Variants in CECR2 observed in about 807,000 individuals in gnomAD.
The protein encoded by CECR2 is CECR2 histone acetyl-lysine reader, also known as chromatin remodeling regulator CECR2.
In CECR2, 30 loss-of-function variants were observed where a neutral mutation model predicts 154.5. The ratio of observed to expected loss-of-function variants is 0.19; its 90% CI spans 0.15 to 0.26. The LOEUF (loss-of-function observed/expected upper bound fraction) is 0.26. CECR2 is among the 10% of genes least tolerant of loss of function. The pLI, the probability that CECR2 is intolerant of heterozygous loss-of-function variation, is 1.00. For missense variants in CECR2, 1,743 were observed against 1,829.3 expected, an observed-to-expected ratio of 0.95 and a Z score of 0.86; for synonymous variants, 725 against 683.7, an observed-to-expected ratio of 1.06 and a Z score of -0.94.
At chr22:17,375,793 A>G (rs1460949126) in intron 1 of CECR2, among the ~76,000 whole-genome samples, 2 of 151,988 alleles carry the variant, frequency 1.3e-5, no homozygotes, top group Admixed American at 6.6e-5. Context: ...CGTCTCTACT[A>G]AAAGTACAAA....
rs112334348 is a variant in CECR2 at position 17,494,189 on chromosome 22, G to A, written c.222-3214G>A. ...TGGCTCACCACAACCTCTGCCTCCC[G>A]GGTTCAAGCGATTCTCCTGCTTCAG... On this transcript the variant is annotated intron_variant, in intron 2 of 18. Transcript: ENST00000262608. Among the ~76,000 whole-genome samples, 1,026 of 152,242 alleles carry A rather than the reference G, an allele frequency of 6.7e-3. 10 individuals carry two copies. Among genetic ancestry groups the A allele is most frequent in the African/African-American group, 0.023 (976 of 41,550 alleles).
In CECR2 at chr22:17,548,352, A is replaced by G. The variant is rs201295786; in HGVS notation, c.3065A>G (p.Lys1022Arg). 1.9e-4 allele frequency: 312 copies of G among 1,612,568 alleles called. No individual in the cohort carries two copies. Among genetic ancestry groups the G allele is most frequent in the Middle Eastern group, 3.3e-4 (2 of 6,078 alleles). ...SADNCKAMKG[K>R]NPWPSDSSYP... ...GACAACTGTAAAGCAATGAAGGGCA[A>G]GAATCCCTGGCCCTCGGATAGCAGC... The change falls in exon 17 of 19, where the codon AAG (lysine) becomes AGG (arginine). Residue 1022 changes from lysine to arginine, a missense_variant. Lys to Arg is a conservative substitution (Grantham distance 26). Transcript: ENST00000262608.
intron 1 of CECR2, among the ~76,000 whole-genome samples, chr22:17,395,826 G>A (rs1046566968): frequency 2.6e-5 from 4 of 151,952 alleles, no homozygotes; most frequent in African/African-American, 9.7e-5. Context: ...TTGTAAAAGG[G>A]TAATAAGTTG....
intron 16 of CECR2, 56 bp from the exon 17 acceptor site, chr22:17,548,092 T>A (rs1354177947): frequency 1.4e-6 from 2 of 1,416,706 alleles, no homozygotes; most frequent in African/African-American, 1.5e-5. Context: ...TTCACATTAA[T>A]ACTGTCATTT....
At chr22:17,435,858 G>C (rs1232852499) in intron 1 of CECR2, among the ~76,000 whole-genome samples, 1 of 152,128 alleles carries the variant, frequency 6.6e-6, no homozygotes, top group Non-Finnish European at 1.5e-5. Context: ...TGGGGTCATA[G>C]CTATGAATTA....
intron 9 of CECR2, among the ~76,000 whole-genome samples, chr22:17,533,177 ATGT>A (rs2056385360): frequency 6.6e-6 from 1 of 151,588 alleles, no homozygotes; most frequent in South Asian, 2.1e-4. Context: ...TTAGCTGGAC[ATGT>A]TGGTGCACTT....
chr22:17,545,374 C>CAAAAA lies in CECR2; in HGVS notation c.2860+2390_2860+2394dup, dbSNP rs695493. 6.7e-3 allele frequency among the ~76,000 whole-genome samples: 305 copies of CAAAAA among 45,330 alleles called. 14 individuals carry two copies. The highest frequency in any genetic ancestry group is 0.019 in the East Asian group (29 of 1,520). 29.7% of individuals were successfully genotyped at this position (45,330 alleles called of 152,430 possible). A position where few individuals can be genotyped will look rare whatever the true frequency, so the allele number is the denominator to read the frequency against. On this transcript the variant is annotated intron_variant, in intron 16 of 18. Transcript: ENST00000262608. Reference sequence around the variant, plus strand: ...TGGGCGAAACAGCGAGACTCCGTCTCAAAAAAAAAAAAAAAAAAAAAAAGA... The same window carrying CAAAAA: ...TGGGCGAAACAGCGAGACTCCGTCTCAAAAAAAAAAAAAAAAAAAAAAAAAAAAGA...
intron 1 of CECR2, among the ~76,000 whole-genome samples, chr22:17,442,545 T>G (rs2054600727): frequency 6.6e-6 from 1 of 151,978 alleles, no homozygotes; most frequent in Admixed American, 6.6e-5. Context: ...CCACAGGTTT[T>G]TTTGTTTGTT....
chr22:17,393,893 T>G (rs1403869744), intron 1 of CECR2, among the ~76,000 whole-genome samples: 1 of 151,262 alleles, frequency 6.6e-6, no homozygotes, highest in African/African-American at 2.4e-5. Context: ...TATTCATTTT[T>G]TTTTTTTTTT....
chr22:17,503,038 A>C, intron 5 of CECR2, 44 bp from the exon 6 acceptor site: 1 of 1,586,188 alleles, frequency 6.3e-7, no homozygotes, highest in Non-Finnish European at 8.6e-7. Context: ...ACAATTTTGG[A>C]CCTGTCTTTG....
chr22:17,368,254 CTACT>C (rs1164356681), upstream of CECR2, among the ~76,000 whole-genome samples: 3 of 152,188 alleles, frequency 2.0e-5, no homozygotes, highest in African/African-American at 7.2e-5. Context: ...AGATTGTACA[CTACT>C]TAAAGGTAGA....
At chr22:17,490,143 T>TGTG (rs1555917174) in intron 2 of CECR2, among the ~76,000 whole-genome samples, 1 of 119,336 alleles carries the variant, frequency 8.4e-6, no homozygotes, top group African/African-American at 3.7e-5. Flanking sequence ...TTACTGTTTT[T>TGTG]TTTTTGTGTG....
At chr22:17,431,792 G>A (rs182008903) in intron 1 of CECR2, among the ~76,000 whole-genome samples, 53 of 118,386 alleles carry the variant, frequency 4.5e-4, no homozygotes, top group Middle Eastern at 4.3e-3. Flanking sequence ...GGAGGGGCGC[G>A]GCTTATTGAG....
intron 1 of CECR2, among the ~76,000 whole-genome samples, chr22:17,385,877 C>T (rs974503165): frequency 6.6e-6 from 1 of 152,220 alleles, no homozygotes. Flanking sequence ...ACATTTCTCA[C>T]TGGTGCTATT....
chr22:17,366,611 A>G (rs960288846), upstream of CECR2, among the ~76,000 whole-genome samples: 1 of 152,116 alleles, frequency 6.6e-6, no homozygotes, highest in African/African-American at 2.4e-5. Context: ...TGGCCAGCCT[A>G]TTGGTAGGGG....
chr22:17,500,221 A>G (rs28612368), intron 4 of CECR2, among the ~76,000 whole-genome samples: 6,871 of 151,658 alleles, frequency 0.045, 543 homozygotes, highest in African/African-American at 0.16. Flanking sequence ...AAAAAAAAAA[A>G]AAAAAAGAAT....
At chr22:17,534,588 A>G (rs1417164755) in intron 9 of CECR2, among the ~76,000 whole-genome samples, 1 of 151,498 alleles carries the variant, frequency 6.6e-6, no homozygotes. Context: ...GCTCACTGCA[A>G]GCCCCGCCTC....
At chr22:17,440,070 G>GAA (rs35711237) in intron 1 of CECR2, among the ~76,000 whole-genome samples, 7,053 of 147,012 alleles carry the variant, frequency 0.048, 248 homozygotes, top group South Asian at 0.13. Context: ...TGATTACATT[G>GAA]AAAAAAAAAA....
chr22:17,510,890 C>A (rs1000383295), intron 7 of CECR2, among the ~76,000 whole-genome samples: 1 of 152,160 alleles, frequency 6.6e-6, no homozygotes. Flanking sequence ...CAGGCGTGAG[C>A]CACCCCACCC....
Sources: gnomAD v4.1 joint callset for allele counts (sites outside exome capture counted in the v4.1 genomes callset) on GRCh38, gnomAD v4.1.1 for gene constraint, MANE v1.5 for transcripts, NCBI Gene and HGNC (gene_info 2026-07-23, HGNC 2026-07-21) for gene names.